SLC23A2: variants seen among roughly 807,000 people sequenced by gnomAD.
SLC23A2 encodes solute carrier family 23 member 2.
Under a neutral mutation model 73.3 loss-of-function variants are expected in SLC23A2, and 36 were observed. The ratio of observed to expected loss-of-function variants is 0.49; its 90% CI spans 0.38 to 0.65. SLC23A2 has a LOEUF of 0.65. SLC23A2 is among the 30% of genes least tolerant of loss of function. The pLI, the probability that SLC23A2 is intolerant of heterozygous loss-of-function variation, is 0.00. For synonymous variants in SLC23A2, 343 were observed against 327.3 expected (o/e 1.05, Z -0.52); for missense variants, 507 against 841.6 (o/e 0.60, Z 4.92).
intron 7 of SLC23A2, among the ~76,000 whole-genome samples, chr20:4,885,583 T>C (rs530910952): frequency 1.3e-5 from 2 of 152,198 alleles, no homozygotes; most frequent in South Asian, 2.1e-4. Context: ...TTCATTAACA[T>C]AGAGAAATGA....
At chr20:4,873,101 A>G (rs1473220600) in intron 11 of SLC23A2, among the ~76,000 whole-genome samples, 1 of 152,216 alleles carries the variant, frequency 6.6e-6, no homozygotes, top group Admixed American at 6.5e-5. Flanking sequence ...TTGAGAACAA[A>G]AAGAACAGCC....
intron 1 of SLC23A2, among the ~76,000 whole-genome samples, chr20:4,991,754 AC>A (rs2087928266): frequency 2.0e-5 from 3 of 151,182 alleles, no homozygotes; most frequent in African/African-American, 7.3e-5. Flanking sequence ...ACACACACAC[AC>A]ACACACACAA....
intron 3 of SLC23A2, among the ~76,000 whole-genome samples, chr20:4,915,775 C>T (rs1422118556): frequency 6.6e-6 from 1 of 152,016 alleles, no homozygotes; most frequent in African/African-American, 2.4e-5. Context: ...TGGCAAAACC[C>T]CATCTCTACT....
At chr20:4,984,087 A>T (rs1382622569) in intron 1 of SLC23A2, among the ~76,000 whole-genome samples, 1 of 152,204 alleles carries the variant, frequency 6.6e-6, no homozygotes, top group African/African-American at 2.4e-5. Flanking sequence ...ACTCAACAAT[A>T]TAAAGACAAG....
At chr20:4,942,516 C>T (rs1414074024) in intron 2 of SLC23A2, among the ~76,000 whole-genome samples, 1 of 152,112 alleles carries the variant, frequency 6.6e-6, no homozygotes, top group East Asian at 1.9e-4. Flanking sequence ...CTTCCAATTC[C>T]CTAAGGACTG....
intron 2 of SLC23A2, among the ~76,000 whole-genome samples, chr20:4,969,507 C>T (rs1051889945): frequency 6.6e-6 from 1 of 151,800 alleles, no homozygotes; most frequent in African/African-American, 2.4e-5. Context: ...TTTAAAACAA[C>T]ACTGACATAA....
At chr20:4,963,177 T>C (rs1210841451) in intron 2 of SLC23A2, among the ~76,000 whole-genome samples, 1 of 152,126 alleles carries the variant, frequency 6.6e-6, no homozygotes, top group Non-Finnish European at 1.5e-5. Flanking sequence ...TCCAAACCAC[T>C]CACTTCACTC....
chr20:4,989,575 C>CT (rs1227093389), intron 1 of SLC23A2, among the ~76,000 whole-genome samples: 1 of 151,546 alleles, frequency 6.6e-6, no homozygotes, highest in East Asian at 1.9e-4. Flanking sequence ...CTTTGGAAGG[C>CT]CAAAGCAGGA....
At chr20:4,960,166 G>A (rs1206501851) in intron 2 of SLC23A2, among the ~76,000 whole-genome samples, 1 of 152,120 alleles carries the variant, frequency 6.6e-6, no homozygotes, top group East Asian at 1.9e-4. Flanking sequence ...ATCAACTAGT[G>A]AATATCCACA....
rs574110095 is a variant in SLC23A2, at chr20:4,854,671, C to G, written c.*2301G>C. The stretch of plus-strand genomic sequence containing the variant: ...CTACAGAGGGCACCCCACATGTTAG[C>G]GGGGTTGAATCCTCCTGATACAACC... On this transcript the variant is annotated 3_prime_UTR_variant, in exon 17 of 17. Transcript: ENST00000338244. 2.6e-5 allele frequency: 4 copies of G among 152,204 alleles called. No homozygotes were observed. Among genetic ancestry groups the G allele is most frequent in the African/African-American group, 7.2e-5 (3 of 41,504 alleles). 9.4% of individuals were successfully genotyped at this position (152,204 alleles called of 1,614,324 possible). A position where few individuals can be genotyped will look rare whatever the true frequency, so the allele number is the denominator to read the frequency against.
intron 13 of SLC23A2, among the ~76,000 whole-genome samples, chr20:4,866,206 T>A (rs1411539795): frequency 1.3e-5 from 2 of 152,226 alleles, no homozygotes; most frequent in African/African-American, 4.8e-5. Context: ...GCTCTGTAAA[T>A]CGTTGTCAGA....
intron 1 of SLC23A2, among the ~76,000 whole-genome samples, chr20:4,973,651 G>A (rs1408318218): frequency 2.0e-5 from 3 of 152,198 alleles, no homozygotes; most frequent in Admixed American, 6.5e-5. Context: ...CTGGCAGAGC[G>A]CTCCGCTGAA....
At chr20:4,987,613 C>T (rs1009319169) in intron 1 of SLC23A2, among the ~76,000 whole-genome samples, 1 of 152,084 alleles carries the variant, frequency 6.6e-6, no homozygotes, top group Non-Finnish European at 1.5e-5. Context: ...CTTTGGAAGG[C>T]CGAGGTGGGC....
chr20:5,001,754 A>T (rs1600222769), upstream of SLC23A2, among the ~76,000 whole-genome samples: 1 of 145,864 alleles, frequency 6.9e-6, no homozygotes, highest in Admixed American at 6.8e-5. Context: ...GACCCTTCCC[A>T]CCAGTCACAC....
chr20:4,910,095 G>A (rs915862016), intron 4 of SLC23A2, among the ~76,000 whole-genome samples: 12 of 152,068 alleles, frequency 7.9e-5, no homozygotes, highest in South Asian at 4.1e-4. Context: ...ACTTTTGGCC[G>A]GGTATGGTGG....
At chr20:4,935,202 A>G (rs1264748671) in intron 2 of SLC23A2, among the ~76,000 whole-genome samples, 5 of 151,086 alleles carry the variant, frequency 3.3e-5, no homozygotes, top group Middle Eastern at 3.2e-3. Context: ...AAAAAAAAAA[A>G]AAAAAGAAAC....
chr20:4,972,690 A>AT (rs769713938), intron 1 of SLC23A2, among the ~76,000 whole-genome samples: 30 of 151,968 alleles, frequency 2.0e-4, no homozygotes, highest in Non-Finnish European at 4.1e-4. Flanking sequence ...GGTTCAAGCG[A>AT]TTCTCTTGCC....
chr20:4,871,743 A>G (rs767392143), intron 11 of SLC23A2, among the ~76,000 whole-genome samples: 1 of 152,166 alleles, frequency 6.6e-6, no homozygotes, highest in Non-Finnish European at 1.5e-5. Context: ...GACACACCCT[A>G]TGCCACCAGC....
At chr20:5,002,085 G>A (rs1033732338), upstream of SLC23A2, among the ~76,000 whole-genome samples, 3 of 152,154 alleles carry the variant, frequency 2.0e-5, no homozygotes, top group Non-Finnish European at 4.4e-5. Context: ...ACATTCAGTG[G>A]CTCTGGGGTG....
Sources: allele counts gnomAD v4.1 joint callset (sites outside exome capture counted in the v4.1 genomes callset), GRCh38; gene constraint gnomAD v4.1.1; transcripts MANE v1.5; gene names NCBI Gene and HGNC (gene_info 2026-07-23, HGNC 2026-07-21).